Variants in FARP1 observed in about 807,000 individuals in gnomAD.
The protein encoded by FARP1 is FERM, ARH/RhoGEF and pleckstrin domain protein 1.
A neutral mutation model predicts 128.8 loss-of-function variants in FARP1; 52 were observed. The ratio of observed to expected loss-of-function variants is 0.40; its 90% confidence interval spans 0.32 to 0.51. The LOEUF (loss-of-function observed/expected upper bound fraction) is 0.51. Among genes scored for constraint, FARP1 ranks in the 20% least tolerant of loss-of-function variants. The pLI is 0.45. For synonymous variants in FARP1, 580 were observed against 551.8 expected, an observed-to-expected ratio of 1.05 and a Z score of -0.72; for missense variants, 1,333 against 1,367.9, an observed-to-expected ratio of 0.97 and a Z score of 0.40.
At chr13:98,216,267 A>T (rs1188742388) in intron 2 of FARP1, among the ~76,000 whole-genome samples, 5 of 152,190 alleles carry the variant, frequency 3.3e-5, no homozygotes, top group Non-Finnish European at 7.3e-5. Context: ...GCTGAAAGGC[A>T]TGGGGGCTGG....
chr13:98,308,607 A>C (rs2390039), intron 2 of FARP1, among the ~76,000 whole-genome samples: 121,234 of 152,222 alleles, frequency 0.8, 48,855 homozygotes, highest in East Asian at 1. Context: ...CTTAACAACA[A>C]CAACAAAGAA....
intron 2 of FARP1, among the ~76,000 whole-genome samples, chr13:98,317,414 A>G (rs1886768223): frequency 6.6e-6 from 1 of 152,148 alleles, no homozygotes; most frequent in Admixed American, 6.5e-5. Flanking sequence ...TTGCCCACAC[A>G]ACTAGCAAAT....
At chr13:98,442,574 A>G (rs1184761172) in intron 24 of FARP1, among the ~76,000 whole-genome samples, 2 of 152,124 alleles carry the variant, frequency 1.3e-5, no homozygotes, top group Non-Finnish European at 2.9e-5. Flanking sequence ...GGGCCTCCTG[A>G]CAGCCCAGGT....
At chr13:98,287,873 C>T (rs539106248) in intron 2 of FARP1, among the ~76,000 whole-genome samples, 3 of 148,068 alleles carry the variant, frequency 2.0e-5, no homozygotes, top group African/African-American at 5.0e-5. Context: ...ACGGTCTCGG[C>T]TCACTGCAAC....
At chr13:98,282,279 C>T (rs1401440684) in intron 2 of FARP1, among the ~76,000 whole-genome samples, 2 of 152,004 alleles carry the variant, frequency 1.3e-5, no homozygotes, top group Admixed American at 6.5e-5. Flanking sequence ...CAGAGTGGGA[C>T]CCTGTCTCAA....
intron 2 of FARP1, among the ~76,000 whole-genome samples, chr13:98,295,030 T>TTA (rs202091098): frequency 0.021 from 1,858 of 87,668 alleles, 63 homozygotes; most frequent in African/African-American, 0.068. Context: ...AAAAAAAAAA[T>TTA]TATATATATA....
chr13:98,287,585 T>C (rs1345498309), intron 2 of FARP1, among the ~76,000 whole-genome samples: 2 of 152,084 alleles, frequency 1.3e-5, no homozygotes, highest in Non-Finnish European at 2.9e-5. Context: ...GCAACCAGAT[T>C]CTACTTGACT....
chr13:98,256,760 G>A (rs1883606633), intron 2 of FARP1, among the ~76,000 whole-genome samples: 1 of 149,874 alleles, frequency 6.7e-6, no homozygotes, highest in Non-Finnish European at 1.5e-5. Context: ...AGATTTCACA[G>A]TGTTGGCCAG....
rs368396240 is a variant in FARP1, at chr13:98,245,282, G to T, written c.171+31869G>T. ...TAATTGTAAAGCCATTTAGAAAGGC[G>T]AATAAAGTCAGATCTACTTTAATAC... On this transcript the variant is annotated intron_variant, in intron 2 of 26. Coordinates refer to ENST00000319562, the MANE Select transcript of FARP1 (RefSeq NM_005766.4). 6.1e-6 allele frequency: 6 copies of T among 983,996 alleles called. No individual in the cohort carries two copies. In the African/African-American group the frequency reaches 1.0e-4, roughly 17 times the overall value. 61.0% of individuals were successfully genotyped at this position (983,996 alleles called of 1,614,324 possible).
chr13:98,380,334 C>T (rs1020200806), intron 6 of FARP1, among the ~76,000 whole-genome samples: 6 of 145,278 alleles, frequency 4.1e-5, no homozygotes, highest in African/African-American at 1.5e-4. Context: ...CCTGTAGTCC[C>T]AGCTACTTGG....
chr13:98,249,359 T>C (rs938685791), intron 2 of FARP1, among the ~76,000 whole-genome samples: 4 of 152,184 alleles, frequency 2.6e-5, no homozygotes, highest in African/African-American at 9.6e-5. Context: ...TTTGGGAACA[T>C]AAAATTTTTA....
At chr13:98,226,447 C>T (rs1351696679) in intron 2 of FARP1, among the ~76,000 whole-genome samples, 1 of 151,940 alleles carries the variant, frequency 6.6e-6, no homozygotes, top group Non-Finnish European at 1.5e-5. Flanking sequence ...TAAGTTCATA[C>T]TCACAGGTAC....
chr13:98,148,083 T>A (rs1875703645), intron 1 of FARP1, among the ~76,000 whole-genome samples: 2 of 23,616 alleles, frequency 8.5e-5, no homozygotes, highest in African/African-American at 9.2e-5. Context: ...AGGTTCCTTT[T>A]CAAAAAAAAA....
chr13:98,413,719 C>G (rs1360381173), intron 16 of FARP1, among the ~76,000 whole-genome samples: 1 of 152,180 alleles, frequency 6.6e-6, no homozygotes, highest in Non-Finnish European at 1.5e-5. Flanking sequence ...TGACCTAGAA[C>G]CTTTCACGTG....
intron 1 of FARP1, among the ~76,000 whole-genome samples, chr13:98,169,570 GAAC>G (rs374980594): frequency 1.2e-4 from 18 of 152,204 alleles, no homozygotes; most frequent in South Asian, 8.3e-4. Flanking sequence ...TCTCTTGAAA[GAAC>G]AACAACAAGA....
At chr13:98,186,006 T>C (rs899407830) in intron 1 of FARP1, among the ~76,000 whole-genome samples, 15 of 151,770 alleles carry the variant, frequency 9.9e-5, no homozygotes, top group African/African-American at 3.1e-4. Context: ...CCACATTTAC[T>C]GTTTTGATCA....
chr13:98,314,158 C>A (rs973140675), intron 2 of FARP1, among the ~76,000 whole-genome samples: 2 of 151,922 alleles, frequency 1.3e-5, no homozygotes, highest in Non-Finnish European at 2.9e-5. Flanking sequence ...TGACATGGAG[C>A]CAGTGTTATA....
intron 1 of FARP1, among the ~76,000 whole-genome samples, chr13:98,164,470 T>C (rs1594216726): frequency 6.6e-6 from 1 of 152,228 alleles, no homozygotes; most frequent in African/African-American, 2.4e-5. Flanking sequence ...CTTTTAATTC[T>C]TTCTAATTGA....
intron 2 of FARP1, among the ~76,000 whole-genome samples, chr13:98,292,844 T>G (rs1378755858): frequency 6.6e-6 from 1 of 152,196 alleles, no homozygotes; most frequent in South Asian, 2.1e-4. Context: ...ACCCTTCAGT[T>G]GAAACATTTA....
Sources: gnomAD v4.1 joint callset for allele counts (sites outside exome capture counted in the v4.1 genomes callset) on GRCh38, gnomAD v4.1.1 for gene constraint, MANE v1.5 for transcripts, NCBI Gene and HGNC (gene_info 2026-07-23, HGNC 2026-07-21) for gene names.